The following CALD1 variants were observed in gnomAD, a reference collection of about 807,000 sequenced individuals.
CALD1 encodes caldesmon 1.
A neutral mutation model predicts 99.9 loss-of-function variants in CALD1; 33 were observed. The ratio of observed to expected loss-of-function variants is 0.33; its 90% CI spans 0.25 to 0.44. The LOEUF (loss-of-function observed/expected upper bound fraction) is 0.44, where lower values mean the gene tolerates loss of function less well. Ranked by LOEUF, CALD1 falls within the 20% of genes least tolerant of loss-of-function variation. The pLI is 1.00. For missense variants in CALD1, 861 were observed against 962.1 expected (o/e 0.89, Z 1.39); for synonymous variants, 310 against 325.0 (o/e 0.95, Z 0.50).
At chr7:134,822,269 C>CTATCTTTTATT (rs11269362) in intron 1 of CALD1, among the ~76,000 whole-genome samples, 92,388 of 151,616 alleles carry the variant, frequency 0.61, 28,571 homozygotes, top group East Asian at 0.95. Flanking sequence ...GGACTGCTGG[C>CTATCTTTTATT]TATCTTTTAT....
chr7:134,909,946 G>T (rs1803680081), intron 3 of CALD1, among the ~76,000 whole-genome samples: 1 of 152,158 alleles, frequency 6.6e-6, no homozygotes, highest in South Asian at 2.1e-4. Context: ...GTGGGATCAA[G>T]TAAGATTGAG....
Position 134,759,822 on chromosome 7 carries a change from T to C in CALD1, c.-130+15459T>C, listed in dbSNP as rs144514257. Among the ~76,000 whole-genome samples the C allele has an allele frequency of 6.0e-3, 920 of 152,224 alleles. 8 individuals carry two copies. The highest frequency in any genetic ancestry group is 9.3e-3 in the Admixed American group (143 of 15,298). The stretch of plus-strand genomic sequence containing the variant: ...CATTCTCATGAAGGGTGGAGGAAAG[T>C]CAATGAACAAGTAATCAAATTGAAT... On this transcript the variant is annotated intron_variant, in intron 1 of 13. Coordinates refer to the CALD1 transcript ENST00000417172.
chr7:134,850,064 C>T (rs1031633829), intron 2 of CALD1, among the ~76,000 whole-genome samples: 7 of 152,174 alleles, frequency 4.6e-5, no homozygotes, highest in African/African-American at 1.7e-4. Context: ...ACAAATTCAG[C>T]TTATTTTCTA....
At chr7:134,887,799 C>T (rs1475226907) in intron 3 of CALD1, among the ~76,000 whole-genome samples, 3 of 128,256 alleles carry the variant, frequency 2.3e-5, no homozygotes, top group African/African-American at 1.0e-4. Flanking sequence ...TATGTGTGCG[C>T]ATGTGTATGT....
At chr7:134,731,362 T>A in the CALD1 span, among the ~76,000 whole-genome samples, 1 of 152,216 alleles carries the variant, frequency 6.6e-6, no homozygotes, top group Non-Finnish European at 1.5e-5. Flanking sequence ...TTCAAACTTT[T>A]CTTTGAAAAG....
the CALD1 span, among the ~76,000 whole-genome samples, chr7:134,737,027 A>G: frequency 6.6e-6 from 1 of 152,142 alleles, no homozygotes; most frequent in Admixed American, 6.6e-5. Flanking sequence ...CCATTTATGT[A>G]TATATATCTG....
At chr7:134,874,311 G>A (rs1801244778) in intron 3 of CALD1, among the ~76,000 whole-genome samples, 1 of 151,894 alleles carries the variant, frequency 6.6e-6, no homozygotes. Context: ...TCCTGCCTCA[G>A]CCTCTCGAGT....
intron 3 of CALD1, among the ~76,000 whole-genome samples, chr7:134,923,359 A>C (rs1423487270): frequency 6.6e-6 from 1 of 152,240 alleles, no homozygotes; most frequent in East Asian, 1.9e-4. Context: ...TTTTTAAAAA[A>C]TAGATCCACA....
At chr7:134,919,835 A>G (rs1804484531) in intron 3 of CALD1, among the ~76,000 whole-genome samples, 2 of 152,106 alleles carry the variant, frequency 1.3e-5, no homozygotes, top group Admixed American at 6.6e-5. Context: ...GCTTTCTTTC[A>G]CTCTATCCTG....
intron 1 of CALD1, among the ~76,000 whole-genome samples, chr7:134,784,665 A>G (rs1797238579): frequency 6.6e-6 from 1 of 152,180 alleles, no homozygotes; most frequent in African/African-American, 2.4e-5. Flanking sequence ...TAGCTCAAGT[A>G]AAGGGCCAGG....
chr7:134,883,106 C>T (rs975782909), intron 3 of CALD1, among the ~76,000 whole-genome samples: 1 of 152,124 alleles, frequency 6.6e-6, no homozygotes, highest in South Asian at 2.1e-4. Flanking sequence ...TACGTAAACC[C>T]AGAAGCACAA....
intron 3 of CALD1, among the ~76,000 whole-genome samples, chr7:134,925,358 G>C (rs188226838): frequency 7.2e-4 from 109 of 152,312 alleles, no homozygotes; most frequent in African/African-American, 2.6e-3. Context: ...GGTAAGTTCT[G>C]AAAATAGTGG....
intron 8 of CALD1, among the ~76,000 whole-genome samples, chr7:134,949,086 G>A (rs1000841777): frequency 1.3e-5 from 2 of 152,094 alleles, no homozygotes; most frequent in African/African-American, 4.8e-5. Context: ...TAATTTAATA[G>A]ATCATTGTGC....
At chr7:134,801,865 C>T (rs1190429667) in intron 1 of CALD1, among the ~76,000 whole-genome samples, 1 of 152,134 alleles carries the variant, frequency 6.6e-6, no homozygotes, top group African/African-American at 2.4e-5. Context: ...GCCATCCTCC[C>T]ATCTCAGCCT....
intron 6 of CALD1, among the ~76,000 whole-genome samples, chr7:134,940,261 G>A (rs1806325871): frequency 6.6e-6 from 1 of 152,152 alleles, no homozygotes; most frequent in Non-Finnish European, 1.5e-5. Context: ...AAAAAGCTAT[G>A]TAAATTCAGT....
rs542697620 is a variant in CALD1, at chr7:134,834,132, T to C, written c.-129-9752T>C. Among the ~76,000 whole-genome samples the C allele has an allele frequency of 3.9e-5, 6 of 152,310 alleles. 1 individual carries two copies. The South Asian group carries it at 1.0e-3, about 26-fold the overall frequency. On this transcript the variant is annotated intron_variant, in intron 1 of 14. Coordinates refer to ENST00000361675, the MANE Select transcript of CALD1 (RefSeq NM_033138.4). ...ACAATACTGTGATCAGAACTCCACA[T>C]AGAAAGCTGCTGTGGTGGGCCACCA...
intron 7 of CALD1, among the ~76,000 whole-genome samples, chr7:134,941,639 G>A (rs1205844513): frequency 1.3e-5 from 2 of 152,160 alleles, no homozygotes; most frequent in African/African-American, 2.4e-5. Context: ...TTTCAAGAAT[G>A]CATTTTCTAA....
At chr7:134,952,540 G>C (rs1200499960) in intron 9 of CALD1, among the ~76,000 whole-genome samples, 1 of 148,802 alleles carries the variant, frequency 6.7e-6, no homozygotes, top group Non-Finnish European at 1.5e-5. Context: ...GCACCATCTT[G>C]GCTCACTGCA....
intron 1 of CALD1, among the ~76,000 whole-genome samples, chr7:134,744,686 G>T (rs1016395507): frequency 6.6e-6 from 1 of 152,012 alleles, no homozygotes; most frequent in Non-Finnish European, 1.5e-5. Context: ...TGGCAGAGTC[G>T]GCTTGGTTAC....
Sources: gnomAD v4.1 joint callset for allele counts (sites outside exome capture counted in the v4.1 genomes callset) on GRCh38, gnomAD v4.1.1 for gene constraint, MANE v1.5 for transcripts, NCBI Gene and HGNC (gene_info 2026-07-23, HGNC 2026-07-21) for gene names.